Variants in SLC22A3 observed in about 807,000 individuals in gnomAD.
The protein encoded by SLC22A3 is EMT organic cation transporter 3.
A neutral mutation model predicts 59.1 loss-of-function variants in SLC22A3; 51 were observed. The ratio of observed to expected loss-of-function variants is 0.86; its 90% CI spans 0.69 to 1.09. SLC22A3 has a LOEUF of 1.09. Ranked by LOEUF, SLC22A3 falls within the 50% of genes least tolerant of loss-of-function variation. The pLI, the probability that SLC22A3 is intolerant of heterozygous loss-of-function variation, is 0.00. For missense variants in SLC22A3, 711 were observed against 726.3 expected, an observed-to-expected ratio of 0.98 and a Z score of 0.24; for synonymous variants, 325 against 292.0, an observed-to-expected ratio of 1.11 and a Z score of -1.15.
At chr6:160,390,844 C>T (rs1786227181) in intron 1 of SLC22A3, among the ~76,000 whole-genome samples, 1 of 152,160 alleles carries the variant, frequency 6.6e-6, no homozygotes, top group Non-Finnish European at 1.5e-5. Context: ...GCTCCTGGTT[C>T]TGGAGGCCAG....
chr6:160,419,980 G>A (rs943712690), intron 5 of SLC22A3, among the ~76,000 whole-genome samples: 7 of 151,962 alleles, frequency 4.6e-5, no homozygotes, highest in South Asian at 2.1e-4. Context: ...AGACTATATC[G>A]CATAAAATGA....
intron 1 of SLC22A3, among the ~76,000 whole-genome samples, chr6:160,363,122 T>C (rs1485154094): frequency 1.3e-5 from 2 of 151,806 alleles, no homozygotes; most frequent in African/African-American, 4.8e-5. Flanking sequence ...AAAGAGAGGG[T>C]CTCAGCCTAA....
At chr6:160,426,240 C>T in intron 5 of SLC22A3, 1 of 985,374 alleles carries the variant, frequency 1.0e-6, no homozygotes, top group African/African-American at 1.7e-5. Context: ...ATAAGGAAGG[C>T]AAAATTTGGA....
chr6:160,388,378 CA>C (rs1293453077), intron 1 of SLC22A3, among the ~76,000 whole-genome samples: 1 of 152,150 alleles, frequency 6.6e-6, no homozygotes, highest in African/African-American at 2.4e-5. Context: ...GAAGTGTATT[CA>C]AACACAGATT....
chr6:160,423,564 T>C (rs994251891), intron 5 of SLC22A3, among the ~76,000 whole-genome samples: 8 of 152,172 alleles, frequency 5.3e-5, no homozygotes, highest in African/African-American at 1.9e-4. Context: ...ATGGTTTTGA[T>C]TTTCTCTGAT....
chr6:160,442,586 C>G (rs1374484948), intron 7 of SLC22A3, among the ~76,000 whole-genome samples, 175 bp from the exon 8 acceptor site: 2 of 152,216 alleles, frequency 1.3e-5, no homozygotes, highest in African/African-American at 2.4e-5. Flanking sequence ...TAGCTATCAT[C>G]TAGTTTCATT....
At chr6:160,441,471 A>G (rs1202913646) in intron 7 of SLC22A3, among the ~76,000 whole-genome samples, 1 of 152,166 alleles carries the variant, frequency 6.6e-6, no homozygotes, top group Non-Finnish European at 1.5e-5. Context: ...AAAAACATCA[A>G]GTGCACCAGG....
chr6:160,350,176 G>C (rs1313941835), intron 1 of SLC22A3, among the ~76,000 whole-genome samples: 1 of 152,088 alleles, frequency 6.6e-6, no homozygotes, highest in Non-Finnish European at 1.5e-5. Context: ...TGCTGTGTTC[G>C]CACAGTGGAT....
chr6:160,409,840 G>A (rs1441176853), intron 4 of SLC22A3, among the ~76,000 whole-genome samples: 2 of 152,102 alleles, frequency 1.3e-5, no homozygotes, highest in Non-Finnish European at 1.5e-5. Context: ...AAACTATAAA[G>A]TAACCAACCA....
intron 5 of SLC22A3, among the ~76,000 whole-genome samples, chr6:160,413,861 T>C (rs1223704899): frequency 6.6e-6 from 1 of 152,244 alleles, no homozygotes; most frequent in Non-Finnish European, 1.5e-5. Flanking sequence ...ACCCTGTCTA[T>C]GTGCATTAGA....
At chr6:160,407,599 T>A (rs1787068981) in intron 3 of SLC22A3, among the ~76,000 whole-genome samples, 2 of 152,206 alleles carry the variant, frequency 1.3e-5, no homozygotes, top group South Asian at 4.1e-4. Flanking sequence ...TACTTTCCTG[T>A]GTTGCCAACT....
At chr6:160,378,126 C>T (rs567450880) in intron 1 of SLC22A3, among the ~76,000 whole-genome samples, 4 of 152,190 alleles carry the variant, frequency 2.6e-5, no homozygotes, top group African/African-American at 9.6e-5. Context: ...TATGTGTGAA[C>T]AAAACTGAGG....
intron 9 of SLC22A3, among the ~76,000 whole-genome samples, chr6:160,445,088 G>T (rs1353229800): frequency 1.3e-5 from 2 of 152,250 alleles, no homozygotes; most frequent in Non-Finnish European, 2.9e-5. Flanking sequence ...CTGAGACTGC[G>T]AGGGGAGACA....
In SLC22A3 at chr6:160,404,635, C is replaced by T. The variant is rs316239; in HGVS notation, c.534-2406C>T. Among the ~76,000 whole-genome samples, 807 of 152,120 alleles carry T rather than the reference C, an allele frequency of 5.3e-3. 12 individuals carry two copies. The East Asian group carries it at 0.062, about 12-fold the overall frequency. The stretch of plus-strand genomic sequence containing the variant: ...GAGACAAAAGACCCAGAATAGCCAA[C>T]GCAGTACTGAAGGAGAAGAACAAAG... On this transcript the variant is annotated intron_variant, in intron 2 of 10. Coordinates refer to ENST00000275300, the MANE Select transcript of SLC22A3 (RefSeq NM_021977.4).
At chr6:160,354,116 C>G (rs1227141893) in intron 1 of SLC22A3, among the ~76,000 whole-genome samples, 1 of 152,138 alleles carries the variant, frequency 6.6e-6, no homozygotes, top group Non-Finnish European at 1.5e-5. Context: ...GTAGGGGACT[C>G]CAACAGATGT....
chr6:160,403,161 A>G (rs1786861406), intron 2 of SLC22A3, among the ~76,000 whole-genome samples: 1 of 151,254 alleles, frequency 6.6e-6, no homozygotes, highest in African/African-American at 2.4e-5. Context: ...AAGAAAGAGG[A>G]GAGAGAGAGA....
intron 5 of SLC22A3, among the ~76,000 whole-genome samples, chr6:160,412,535 A>G (rs965213107): frequency 2.0e-5 from 3 of 152,208 alleles, no homozygotes; most frequent in African/African-American, 7.2e-5. Flanking sequence ...GTGCAAGTAC[A>G]TTAATGATGT....
chr6:160,436,790 C>T lies in SLC22A3; in HGVS notation c.986C>T (p.Thr329Ile), dbSNP rs1435337053. ...LSSNYSEITV[T>I]DEEVSNPSFL... Reference sequence around the variant, plus strand: ...GCTTTTCTTATATAGATCACTGTTACAGATGAGGAAGTTAGTAATCCATCC... The same window carrying T: ...GCTTTTCTTATATAGATCACTGTTATAGATGAGGAAGTTAGTAATCCATCC... The change falls in exon 6 of 11, where the codon ACA (threonine) becomes ATA (isoleucine). Residue 329 changes from threonine to isoleucine, a missense_variant. Thr to Ile is a moderately conservative substitution (Grantham distance 89). Coordinates refer to ENST00000275300, the MANE Select transcript of SLC22A3 (RefSeq NM_021977.4). 24 of 1,606,820 alleles carry T rather than the reference C, an allele frequency of 1.5e-5. No homozygotes were observed. Among genetic ancestry groups the T allele is most frequent in the Non-Finnish European group, 1.8e-5 (21 of 1,173,980 alleles).
At chr6:160,442,934 T>C in intron 8 of SLC22A3, 65 bp downstream of exon 8, 1 of 1,285,450 alleles carries the variant, frequency 7.8e-7, no homozygotes, top group Non-Finnish European at 1.1e-6. Context: ...TAAGTTGATT[T>C]AGTTAAAAAC....
Sources: allele counts gnomAD v4.1 joint callset (sites outside exome capture counted in the v4.1 genomes callset), GRCh38; gene constraint gnomAD v4.1.1; transcripts MANE v1.5; gene names NCBI Gene and HGNC (gene_info 2026-07-23, HGNC 2026-07-21).